SGCD: variants seen among roughly 807,000 people sequenced by gnomAD.
The protein encoded by SGCD is sarcoglycan delta.
In SGCD, 18 loss-of-function variants were observed where a neutral mutation model predicts 36.6. That is an observed-to-expected ratio of 0.49 (90% CI 0.34 to 0.73). SGCD has a LOEUF of 0.73. SGCD is among the 30% of genes least tolerant of loss of function. SGCD has a pLI of 0.01. For synonymous variants in SGCD, 133 were observed against 130.6 expected, an observed-to-expected ratio of 1.02 and a Z score of -0.12; for missense variants, 387 against 346.7, an observed-to-expected ratio of 1.12 and a Z score of -0.92.
rs763564801 is a variant in SGCD, at chr5:156,132,239, T to TTG, written c.-44+8236_-44+8237dup. Among the ~76,000 whole-genome samples, 330 of 150,160 alleles carry TTG rather than the reference T, an allele frequency of 2.2e-3. 1 individual carries two copies. Among genetic ancestry groups the TTG allele is most frequent in the African/African-American group, 7.1e-3 (293 of 41,042 alleles). On this transcript the variant is annotated intron_variant, in intron 3 of 9. Transcript: ENST00000517913. The stretch of plus-strand genomic sequence containing the variant: ...GTCAGGTGTACCTGGAGGGGTGTGT[T>TTG]TGTGTGTGTGTGTGTGTTTGTGTGT...
At chr5:156,072,912 G>C (rs927796411) in intron 1 of SGCD, among the ~76,000 whole-genome samples, 1 of 152,080 alleles carries the variant, frequency 6.6e-6, no homozygotes. Flanking sequence ...CTTTGTTCCA[G>C]TTGATCGCAT....
At chr5:156,250,919 C>T (rs754647466) in intron 3 of SGCD, among the ~76,000 whole-genome samples, 1 of 152,082 alleles carries the variant, frequency 6.6e-6, no homozygotes, top group East Asian at 1.9e-4. Flanking sequence ...TTAATAGACA[C>T]GTAAAAGCAG....
intron 4 of SGCD, among the ~76,000 whole-genome samples, chr5:156,552,588 G>A (rs1758844112): frequency 6.6e-6 from 1 of 152,174 alleles, no homozygotes; most frequent in Admixed American, 6.5e-5. Flanking sequence ...ACCAATGGAT[G>A]TGGAGCCCCT....
the SGCD span, among the ~76,000 whole-genome samples, chr5:155,863,426 A>G: frequency 6.6e-6 from 1 of 152,110 alleles, no homozygotes; most frequent in African/African-American, 2.4e-5. Context: ...AAAATGAAGT[A>G]TCCAACCCAA....
the SGCD span, among the ~76,000 whole-genome samples, chr5:155,738,703 A>AGT: frequency 0.29 from 42,895 of 148,712 alleles, 7,997 homozygotes; most frequent in African/African-American, 0.54. Context: ...TGTATATGAG[A>AGT]GTGTGTGAGT....
chr5:156,043,310 TCTAA>T (rs879609766), intron 1 of SGCD, among the ~76,000 whole-genome samples: 1 of 152,208 alleles, frequency 6.6e-6, no homozygotes, highest in Non-Finnish European at 1.5e-5. Context: ...GGCACCTGCC[TCTAA>T]CTAAGAGACA....
chr5:156,477,002 C>T (rs780334126), intron 3 of SGCD, among the ~76,000 whole-genome samples: 13 of 140,968 alleles, frequency 9.2e-5, no homozygotes, highest in Non-Finnish European at 1.5e-4. Context: ...CTGCAAGCAA[C>T]AGCAATTTTA....
At chr5:156,048,612 A>C (rs561013805) in intron 1 of SGCD, among the ~76,000 whole-genome samples, 6 of 152,208 alleles carry the variant, frequency 3.9e-5, no homozygotes, top group Non-Finnish European at 7.3e-5. Context: ...TTTTGGCTGC[A>C]TAAATGTCTT....
intron 3 of SGCD, among the ~76,000 whole-genome samples, chr5:156,214,286 TC>T (rs1764521292): frequency 6.6e-6 from 1 of 151,820 alleles, no homozygotes; most frequent in Non-Finnish European, 1.5e-5. Flanking sequence ...CCTACCAAAA[TC>T]AGTATCATTT....
chr5:156,145,196 T>A (rs1167703951), intron 3 of SGCD, among the ~76,000 whole-genome samples: 2 of 152,188 alleles, frequency 1.3e-5, no homozygotes, highest in South Asian at 2.1e-4. Context: ...GTGAGTGAGT[T>A]CTCACAAGAT....
At chr5:156,141,629 C>A (rs763570620) in intron 3 of SGCD, among the ~76,000 whole-genome samples, 4 of 152,000 alleles carry the variant, frequency 2.6e-5, no homozygotes, top group East Asian at 1.9e-4. Context: ...CTCAGAGATA[C>A]AAGATAAATG....
At chr5:156,378,569 C>A (rs1052237068) in intron 3 of SGCD, among the ~76,000 whole-genome samples, 86 of 152,122 alleles carry the variant, frequency 5.7e-4, no homozygotes, top group African/African-American at 2.0e-3. Context: ...CTATACAGAC[C>A]CCTGCAATCT....
At chr5:155,772,550 C>T in the SGCD span, among the ~76,000 whole-genome samples, 2 of 152,158 alleles carry the variant, frequency 1.3e-5, no homozygotes, top group East Asian at 1.9e-4. Flanking sequence ...GTTTTATAGA[C>T]CCCCTGTTAT....
intron 3 of SGCD, among the ~76,000 whole-genome samples, chr5:156,162,386 A>T (rs1763106072): frequency 6.6e-6 from 1 of 151,446 alleles, no homozygotes; most frequent in African/African-American, 2.5e-5. Context: ...CTTGGTAGCC[A>T]GAGACCCCTT....
chr5:156,616,445 A>G (rs1208182323), intron 6 of SGCD, among the ~76,000 whole-genome samples: 1 of 152,160 alleles, frequency 6.6e-6, no homozygotes, highest in Non-Finnish European at 1.5e-5. Context: ...AAAAAATGCA[A>G]ATACTTGTTA....
At chr5:156,577,617 G>A (rs960167338) in intron 4 of SGCD, among the ~76,000 whole-genome samples, 12 of 152,164 alleles carry the variant, frequency 7.9e-5, no homozygotes, top group African/African-American at 2.9e-4. Flanking sequence ...AGTTCTCCTT[G>A]AAGAGGTCCT....
intron 1 of SGCD, among the ~76,000 whole-genome samples, chr5:156,027,136 T>C (rs908727464): frequency 3.9e-5 from 6 of 152,182 alleles, no homozygotes; most frequent in African/African-American, 1.4e-4. Flanking sequence ...TCAAACAGGG[T>C]TAGCAAATGC....
intron 3 of SGCD, among the ~76,000 whole-genome samples, chr5:156,196,435 A>G (rs145883423): frequency 3.3e-5 from 5 of 152,332 alleles, no homozygotes; most frequent in African/African-American, 1.2e-4. Context: ...TTGCCAGCCA[A>G]CTGATTAACC....
the SGCD span, among the ~76,000 whole-genome samples, chr5:155,811,225 C>A: frequency 6.6e-6 from 1 of 152,044 alleles, no homozygotes; most frequent in Admixed American, 6.5e-5. Flanking sequence ...TGCTTGTCAC[C>A]CAACTGATAC....
Sources: allele counts gnomAD v4.1 joint callset (sites outside exome capture counted in the v4.1 genomes callset), GRCh38; gene constraint gnomAD v4.1.1; transcripts MANE v1.5; gene names NCBI Gene and HGNC (gene_info 2026-07-23, HGNC 2026-07-21).